The following ABCB9 variants were observed in gnomAD, a reference collection of about 807,000 sequenced individuals.
ABCB9 encodes ABC-type oligopeptide transporter ABCB9.
Under a neutral mutation model 62.0 loss-of-function variants are expected in ABCB9, and 36 were observed. The ratio of observed to expected loss-of-function variants is 0.58; its 90% CI spans 0.45 to 0.77. The LOEUF is 0.77. ABCB9 is among the 30% of genes least tolerant of loss of function. The pLI is 0.00. For synonymous variants in ABCB9, 435 were observed against 461.4 expected, an observed-to-expected ratio of 0.94 and a Z score of 0.73; for missense variants, 943 against 1,054.7, an observed-to-expected ratio of 0.89 and a Z score of 1.47.
At chr12:122,941,429 C>G (rs1463456110) in intron 7 of ABCB9, among the ~76,000 whole-genome samples, 1 of 151,736 alleles carries the variant, frequency 6.6e-6, no homozygotes, top group Non-Finnish European at 1.5e-5. Context: ...CTGCCTCAGC[C>G]TCCAGAGTAG....
At chr12:122,950,703 T>A in intron 2 of ABCB9, 138 bp from the exon 3 acceptor site, 1 of 702,102 alleles carries the variant, frequency 1.4e-6, no homozygotes, top group Non-Finnish European at 2.4e-6. Flanking sequence ...AAACTCTTGC[T>A]GCCCATCGTG....
At chr12:122,945,934 A>ACAT in intron 6 of ABCB9, 91 bp downstream of exon 6, 1 of 1,302,438 alleles carries the variant, frequency 7.7e-7, no homozygotes, top group Admixed American at 2.0e-5. Flanking sequence ...CTTGACACCA[A>ACAT]CATGCAGGAC....
At position 122,963,724 on chromosome 12, in the gene ABCB9, G is replaced by A. The variant is rs2037030627; in HGVS notation, c.-88+2563C>T. ...GATGCAGAGGGGGAATGGAGTGGGG[G>A]GATATAACAACCTCCAAGCCTGGGC... On this transcript the variant is annotated intron_variant, in intron 1 of 11. Transcript: ENST00000280560. Among the ~76,000 whole-genome samples, 5 of 152,182 alleles carry A rather than the reference G, an allele frequency of 3.3e-5. No homozygotes were observed. In the South Asian group the frequency reaches 1.0e-3, roughly 32 times the overall value.
At chr12:122,949,742 G>C (rs2036251583) in intron 4 of ABCB9, 46 bp downstream of exon 4, 2 of 1,609,466 alleles carry the variant, frequency 1.2e-6, no homozygotes, top group Admixed American at 3.3e-5. Flanking sequence ...AGCCCACAGG[G>C]GTGGGGCCCA....
chr12:122,922,053 G>T (rs535849477), intron 11 of ABCB9, among the ~76,000 whole-genome samples: 1 of 152,224 alleles, frequency 6.6e-6, no homozygotes. Flanking sequence ...GGCCGCTCAG[G>T]TCTGGGCCAG....
At chr12:122,946,730 A>G (rs1462538174) in intron 5 of ABCB9, among the ~76,000 whole-genome samples, 1 of 152,238 alleles carries the variant, frequency 6.6e-6, no homozygotes, top group East Asian at 1.9e-4. Context: ...CAAGTTCTAC[A>G]TGGTGGCAGG....
At chr12:122,943,322 C>G (rs1001392668) in intron 7 of ABCB9, among the ~76,000 whole-genome samples, 1 of 152,194 alleles carries the variant, frequency 6.6e-6, no homozygotes, top group Non-Finnish European at 1.5e-5. Flanking sequence ...CCTGAGATCA[C>G]CTCCCAAACA....
At position 122,940,897 on chromosome 12, in the gene ABCB9, G is replaced by A. The variant is rs2035723430; in HGVS notation, c.1479C>T (p.Gly493=). ...IDRQPTMVHD[G]SLAPDHLEGR... ...CCTCCAGGTGGTCGGGGGCCAAGCT[G>A]CCATCGTGCACCATGGTCGGCTGCC... The change falls in exon 8 of 12, where the codon GGC becomes GGT. Residue 493 remains glycine (G), a synonymous_variant. Transcript: ENST00000280560. This position sits in a 1 kb window ranked among gnomAD's most constrained non-coding sequence, Gnocchi z 4.8. 6.2e-7 allele frequency: 1 copy of A among 1,612,410 alleles called. No individual in the cohort carries two copies. Among genetic ancestry groups the A allele is most frequent in the East Asian group, 2.2e-5 (1 of 44,838 alleles).
In ABCB9 at chr12:122,944,358, CTCTCTG is replaced by C; in HGVS notation, c.1380+27_1380+32del. 6.3e-7 allele frequency: 1 copy of C among 1,576,766 alleles called. No homozygotes were observed. Among genetic ancestry groups the C allele is most frequent in the Non-Finnish European group, 8.7e-7 (1 of 1,155,444 alleles). On this transcript the variant is annotated intron_variant, in intron 7 of 11. Transcript: ENST00000280560. This position sits in a 1 kb window ranked among gnomAD's most constrained non-coding sequence, Gnocchi z 4.9. Reference sequence around the variant, plus strand: ...TCCCTCTTCCCCAAACTCCTCCCTTCTCTCTGGATCCCCGGACACACTGGCCTCTCA... The same window carrying C: ...TCCCTCTTCCCCAAACTCCTCCCTTCGATCCCCGGACACACTGGCCTCTCA...
intron 7 of ABCB9, among the ~76,000 whole-genome samples, chr12:122,942,118 T>A (rs1194859106): frequency 2.0e-5 from 3 of 152,230 alleles, no homozygotes; most frequent in Non-Finnish European, 4.4e-5. Flanking sequence ...TCAAGTAACT[T>A]GGCCCAGGTC....
intron 9 of ABCB9, among the ~76,000 whole-genome samples, chr12:122,935,685 C>T (rs1173865667): frequency 1.3e-5 from 2 of 152,182 alleles, no homozygotes; most frequent in African/African-American, 4.8e-5. Flanking sequence ...GCCAAGTTCC[C>T]TGACCTCTAA....
Position 122,950,043 on chromosome 12 carries a change from C to A in ABCB9, c.717-125G>T. The stretch of plus-strand genomic sequence containing the variant: ...GCAGCCCCACTCCAGGGCTGGCATC[C>A]CTGCGGGGTCCCCCTCATTCCCAGT... On this transcript the variant is annotated intron_variant, in intron 3 of 11. Transcript: ENST00000280560. The A allele has an allele frequency of 1.1e-5, 14 of 1,323,936 alleles. 1 individual carries two copies. In the South Asian group the frequency reaches 1.8e-4, roughly 17 times the overall value. The allele number at this position is 1,323,936 out of a possible 1,614,324, so 82.0% of individuals were successfully genotyped here.
chr12:122,965,350 G>A (rs2037115099), intron 1 of ABCB9, among the ~76,000 whole-genome samples: 1 of 152,212 alleles, frequency 6.6e-6, no homozygotes, highest in Admixed American at 6.5e-5. Context: ...CCCCGGTGTG[G>A]GCCCAGACCC....
At chr12:122,922,230 C>G (rs1374842513) in intron 11 of ABCB9, among the ~76,000 whole-genome samples, 1 of 152,168 alleles carries the variant, frequency 6.6e-6, no homozygotes, top group East Asian at 1.9e-4. Flanking sequence ...TGTTCCCTCT[C>G]CTACCCCTGA....
At chr12:122,953,362 G>A (rs369856693) in intron 2 of ABCB9, among the ~76,000 whole-genome samples, 3 of 151,746 alleles carry the variant, frequency 2.0e-5, no homozygotes, top group Non-Finnish European at 2.9e-5. Context: ...ACAGGTGACC[G>A]CCATCACACC....
In ABCB9 at chr12:122,929,460, G is replaced by T. The variant is rs1450490289; in HGVS notation, c.*451C>A. 3.0e-6 allele frequency: 3 copies of T among 989,658 alleles called. No individual in the cohort carries two copies. Among genetic ancestry groups the T allele is most frequent in the African/African-American group, 1.7e-5 (1 of 57,454 alleles). 61.3% of individuals were successfully genotyped at this position (989,658 alleles called of 1,614,324 possible). A position where few individuals can be genotyped will look rare whatever the true frequency, so the allele number is the denominator to read the frequency against. ...GAAGCCCCTTCTCTGGAGGGGTAAA[G>T]GGGAGAGGCCTAGTCTCTGGACATC... On this transcript the variant is annotated 3_prime_UTR_variant, in exon 12 of 12. Coordinates refer to ENST00000280560, the MANE Select transcript of ABCB9 (RefSeq NM_019625.4). The surrounding 1 kb of genome is among the most constrained non-coding windows in gnomAD (Gnocchi z 6.0).
chr12:122,926,575 A>C (rs1461891598), downstream of ABCB9, among the ~76,000 whole-genome samples: 1 of 151,912 alleles, frequency 6.6e-6, no homozygotes, highest in African/African-American at 2.4e-5. Context: ...CCCTGCCAAA[A>C]TAAAACAAAC....
rs1432825465 is a variant in ABCB9 at position 122,929,011 on chromosome 12, C to T, written c.*900G>A. On this transcript the variant is annotated 3_prime_UTR_variant, in exon 12 of 12. Coordinates refer to ENST00000280560, the MANE Select transcript of ABCB9 (RefSeq NM_019625.4). This position sits in a 1 kb window ranked among gnomAD's most constrained non-coding sequence, Gnocchi z 6.0. The stretch of plus-strand genomic sequence containing the variant: ...CAGAGGTTAGGGGTAAGAGGTAGTA[C>T]ACTTTATTGACCGGGTTCTCTCAAC... 1 of 985,952 alleles carries T rather than the reference C, an allele frequency of 1.0e-6. No homozygotes were observed. The highest frequency in any genetic ancestry group is 1.2e-6 in the Non-Finnish European group (1 of 829,980). The allele number at this position is 985,952 out of a possible 1,614,324, so 61.1% of individuals were successfully genotyped here. A position where few individuals can be genotyped will look rare whatever the true frequency, so the allele number is the denominator to read the frequency against.
intron 1 of ABCB9, chr12:122,972,788 C>T (rs2037293565): frequency 1.3e-5 from 2 of 152,216 alleles, no homozygotes; most frequent in South Asian, 2.1e-4. Flanking sequence ...GCTAGGATTA[C>T]AGGCGTGAGC....
Sources: gnomAD v4.1 joint callset for allele counts (sites outside exome capture counted in the v4.1 genomes callset) on GRCh38, gnomAD v4.1.1 for gene constraint, Gnocchi (gnomAD v3.1) non-coding constraint, MANE v1.5 for transcripts, NCBI Gene and HGNC (gene_info 2026-07-23, HGNC 2026-07-21) for gene names.